C2: variants seen among roughly 807,000 people sequenced by gnomAD.
The protein encoded by C2 is C3/C5 convertase.
A neutral mutation model predicts 85.2 loss-of-function variants in C2; 64 were observed. The ratio of observed to expected loss-of-function variants is 0.75; its 90% CI spans 0.61 to 0.92. The LOEUF is 0.92. C2 is among the 40% of genes least tolerant of loss of function. The pLI is 0.00. For missense variants in C2, 820 were observed against 971.6 expected (o/e 0.84, Z 2.07); for synonymous variants, 311 against 370.8 (o/e 0.84, Z 1.85).
At chr6:31,926,020 A>G (rs991319865), upstream of C2, among the ~76,000 whole-genome samples, 3 of 152,142 alleles carry the variant, frequency 2.0e-5, no homozygotes, top group African/African-American at 7.2e-5. Flanking sequence ...CCATGAAAAG[A>G]AAAGGCACAC....
At position 31,932,100 on chromosome 6, in the gene C2, G is replaced by A. The variant is rs1173654202; in HGVS notation, c.443-1510G>A. On this transcript the variant is annotated intron_variant, in intron 3 of 17. Transcript: ENST00000299367. Reference sequence around the variant, plus strand: ...GCGCCCCTCACTTCCCGGATGGGGCGGCTGGCCGGGCGAGGGGCTGACCCC... The same window carrying A: ...GCGCCCCTCACTTCCCGGATGGGGCAGCTGGCCGGGCGAGGGGCTGACCCC... Among the ~76,000 whole-genome samples, 6 of 133,190 alleles carry A rather than the reference G, an allele frequency of 4.5e-5. 1 individual carries two copies. Among genetic ancestry groups the A allele is most frequent in the Admixed American group, 7.3e-5 (1 of 13,696 alleles). 87.4% of individuals were successfully genotyped at this position (133,190 alleles called of 152,430 possible).
At chr6:31,910,504 A>G (rs1768021742) in intron 1 of C2, among the ~76,000 whole-genome samples, 1 of 151,712 alleles carries the variant, frequency 6.6e-6, no homozygotes, top group Non-Finnish European at 1.5e-5. Context: ...AATTTTTGTT[A>G]TTTGTTGTAG....
chr6:31,925,638 A>C (rs1306511648), upstream of C2, among the ~76,000 whole-genome samples: 2 of 152,130 alleles, frequency 1.3e-5, no homozygotes, highest in East Asian at 1.9e-4. Context: ...CTGGTGGAGC[A>C]GCCACCATCT....
upstream of C2, chr6:31,900,387 C>G (rs1355558131): frequency 6.5e-7 from 1 of 1,544,084 alleles, no homozygotes; most frequent in East Asian, 2.5e-5. The surrounding 1 kb of genome is among the most constrained non-coding windows in gnomAD (Gnocchi z 9.7). Flanking sequence ...CTGCCCCCCG[C>G]CCCCCGGGCA....
At chr6:31,939,158 G>A in intron 8 of C2, 73 bp from the exon 9 acceptor site, 1 of 1,060,778 alleles carries the variant, frequency 9.4e-7, no homozygotes, top group Middle Eastern at 2.6e-4. Flanking sequence ...CAGGCTAAAT[G>A]CTTTCCTACT....
intron 9 of C2, chr6:31,941,622 C>G (rs996453397): frequency 6.6e-6 from 1 of 152,186 alleles, no homozygotes; most frequent in African/African-American, 2.4e-5. Context: ...GTGCCTCAGT[C>G]TCCCAAGAAG....
chr6:31,931,262 CT>C (rs748883719), intron 3 of C2, among the ~76,000 whole-genome samples: 10,387 of 111,402 alleles, frequency 0.093, 459 homozygotes, highest in Middle Eastern at 0.14. Flanking sequence ...TAGGAACATT[CT>C]TTTTTTTTTT....
chr6:31,939,261 C>G lies in C2; in HGVS notation c.1160C>G (p.Thr387Arg). 1 of 1,612,534 alleles carries G rather than the reference C, an allele frequency of 6.2e-7. No individual in the cohort carries two copies. Among genetic ancestry groups the G allele is most frequent in the African/African-American group, 1.3e-5 (1 of 75,042 alleles). ...TCCAATATGGGTGGCTCTCCCAAGA[C>G]AGCTGTTGACCATATCAGAGAGATC... ...GKSNMGGSPK[T>R]AVDHIREILN... The change falls in exon 9 of 18, where the codon ACA becomes AGA. Residue 387 changes from threonine to arginine, a missense_variant. Thr to Arg is a moderately conservative substitution (Grantham distance 71). Transcript: ENST00000299367.
chr6:31,941,214 A>G (rs1377771451), intron 9 of C2: 2 of 152,260 alleles, frequency 1.3e-5, no homozygotes, highest in African/African-American at 2.4e-5. Flanking sequence ...GTGGCTTAGA[A>G]CACAGAATTT....
chr6:31,903,642 CA>C (rs1452164329), intron 1 of C2, among the ~76,000 whole-genome samples: 1 of 151,822 alleles, frequency 6.6e-6, no homozygotes, highest in Non-Finnish European at 1.5e-5. Context: ...AACAAAACAC[CA>C]AAAAAGGTCA....
In C2 at chr6:31,921,954, G is replaced by C. The variant is rs560797164; in HGVS notation, c.-100+1928G>C. The stretch of plus-strand genomic sequence containing the variant: ...GTTATCAGGCAAATTTACCATTGTG[G>C]GTGAGTGGAGGTCAATCCCACTCAG... On this transcript the variant is annotated intron_variant, in intron 1 of 3. Transcript: ENST00000413154. The surrounding 1 kb of genome is among the most constrained non-coding windows in gnomAD (Gnocchi z 4.6). Among the ~76,000 whole-genome samples, 1 of 152,216 alleles carries C rather than the reference G, an allele frequency of 6.6e-6. No individual in the cohort carries two copies. The highest frequency in any genetic ancestry group is 2.4e-5 in the African/African-American group (1 of 41,512).
At position 31,933,784 on chromosome 6, in the gene C2, G is replaced by C. The variant is rs945580226; in HGVS notation, c.616+1G>C. Reference sequence around the variant, plus strand: ...AGTGGAACGGAGCCCATCTGCCGCCGTGAGTAGCTGCCCTGCCCTCCTGAG... The same window carrying C: ...AGTGGAACGGAGCCCATCTGCCGCCCTGAGTAGCTGCCCTGCCCTCCTGAG... On this transcript the variant is annotated splice_donor_variant, in intron 4 of 17. Coordinates refer to ENST00000299367, the MANE Select transcript of C2 (RefSeq NM_000063.6). LOFTEE classifies it high-confidence loss of function. 4 of 1,613,786 alleles carry C rather than the reference G, an allele frequency of 2.5e-6. No individual in the cohort carries two copies. The highest frequency in any genetic ancestry group is 2.5e-6 in the Non-Finnish European group (3 of 1,180,032).
intron 8 of C2, 141 bp downstream of exon 8, chr6:31,937,600 T>C (rs916166317): frequency 1.0e-6 from 1 of 976,898 alleles, no homozygotes; most frequent in African/African-American, 1.6e-5. Context: ...GGGGCCTTGC[T>C]ATGTTGCCCA....
chr6:31,936,222 G>A (rs1770409842), intron 7 of C2, 161 bp downstream of exon 7: 1 of 721,098 alleles, frequency 1.4e-6, no homozygotes, highest in Admixed American at 2.1e-5. Flanking sequence ...TATGGTGGGG[G>A]AGTCCAGCTG....
At chr6:31,938,555 G>A (rs1040421618) in intron 8 of C2, among the ~76,000 whole-genome samples, 2 of 150,728 alleles carry the variant, frequency 1.3e-5, no homozygotes, top group African/African-American at 2.4e-5. Context: ...ACAGTGGTGC[G>A]ATCTCGGCTC....
Position 31,934,152 on chromosome 6 carries a change from C to A in C2, c.716-14C>A. The A allele has an allele frequency of 3.1e-6, 5 of 1,614,180 alleles. No homozygotes were observed. The highest frequency in any genetic ancestry group is 3.4e-6 in the Non-Finnish European group (4 of 1,180,008). On this transcript the variant is annotated splice_polypyrimidine_tract_variant and intron_variant, in intron 5 of 17. Transcript: ENST00000299367. ...AGGTGGGGATCTGAATCCTCCCCTT[C>A]CACATTTCTCCAGAAAGCCTGGGCC...
intron 9 of C2, among the ~76,000 whole-genome samples, chr6:31,942,009 G>A (rs1048922526): frequency 6.6e-6 from 1 of 151,498 alleles, no homozygotes; most frequent in Non-Finnish European, 1.5e-5. Context: ...GTAGAGACAG[G>A]GTTTCACCAT....
chr6:31,934,305 G>C lies in C2; in HGVS notation c.849+6G>C. 1.3e-6 allele frequency: 2 copies of C among 1,594,156 alleles called. No individual in the cohort carries two copies. The highest frequency in any genetic ancestry group is 1.1e-5 in the South Asian group (1 of 91,076). Reference sequence around the variant, plus strand: ...CCTCCCTCATGGTGGACAGGGTCAGGAATCAGGAGTCTGCCTGCAGCAGAG... The same window carrying C: ...CCTCCCTCATGGTGGACAGGGTCAGCAATCAGGAGTCTGCCTGCAGCAGAG... On this transcript the variant is annotated splice_donor_region_variant and intron_variant, in intron 6 of 17. Coordinates refer to ENST00000299367, the MANE Select transcript of C2 (RefSeq NM_000063.6).
Position 31,921,695 on chromosome 6 carries a change from G to A in C2, c.-100+1669G>A, listed in dbSNP as rs1477011403. Among the ~76,000 whole-genome samples, 2 of 152,142 alleles carry A rather than the reference G, an allele frequency of 1.3e-5. No individual in the cohort carries two copies. On this transcript the variant is annotated intron_variant, in intron 1 of 3. Coordinates refer to the C2 transcript ENST00000413154. This position sits in a 1 kb window ranked among gnomAD's most constrained non-coding sequence, Gnocchi z 4.6. ...GTGCCTCAGTTCCCTCATCTGTAAA[G>A]TGGGAGTAACAACAGAACCTGTGTC... is the stretch of plus-strand genomic sequence containing the variant.
Sources: allele counts gnomAD v4.1 joint callset (sites outside exome capture counted in the v4.1 genomes callset), GRCh38; gene constraint gnomAD v4.1.1; non-coding constraint Gnocchi (gnomAD v3.1); transcripts MANE v1.5; gene names NCBI Gene and HGNC (gene_info 2026-07-23, HGNC 2026-07-21).